PAX2: variants seen among roughly 807,000 people sequenced by gnomAD.
PAX2 encodes the protein paired box 2, also known as paired box protein Pax-2.
A neutral mutation model predicts 41.7 loss-of-function variants in PAX2; 9 were observed. The ratio of observed to expected loss-of-function variants is 0.22; its 90% CI spans 0.13 to 0.38. The LOEUF (loss-of-function observed/expected upper bound fraction) is 0.38, where lower values mean the gene tolerates loss of function less well. Among genes scored for constraint, PAX2 ranks in the 10% least tolerant of loss-of-function variants. The pLI is 1.00. For missense variants in PAX2, 418 were observed against 531.6 expected (o/e 0.79, Z 2.10); for synonymous variants, 221 against 212.7 (o/e 1.04, Z -0.34).
intron 1 of PAX2, chr10:100,749,392 C>T: frequency 1.8e-6 from 2 of 1,103,836 alleles, no homozygotes; most frequent in Non-Finnish European, 2.2e-6. Flanking sequence ...CAGGCCCTTC[C>T]TCTCCTCGCT....
intron 5 of PAX2, among the ~76,000 whole-genome samples, chr10:100,790,663 G>A (rs1360944493): frequency 1.3e-5 from 2 of 152,206 alleles, no homozygotes; most frequent in Non-Finnish European, 2.9e-5. Context: ...CTGGAAAAAG[G>A]GTTTGGAGAG....
chr10:100,787,140 C>A, intron 5 of PAX2: 1 of 428,648 alleles, frequency 2.3e-6, no homozygotes, highest in South Asian at 1.9e-5. Flanking sequence ...CTCAGGCTTC[C>A]ACTGGGAGAC....
rs36041109 is a variant in PAX2 at position 100,783,659 on chromosome 10, C to CTTT, written c.616+2311_616+2313dup. On this transcript the variant is annotated intron_variant, in intron 5 of 9. Transcript: ENST00000355243. The stretch of plus-strand genomic sequence containing the variant: ...GTCTAGACCATAGAAGGAGTTTGGG[C>CTTT]TTTTTTTTTTTTTTTTTTTCTGAAA... Among the ~76,000 whole-genome samples, 442 of 118,432 alleles carry CTTT rather than the reference C, an allele frequency of 3.7e-3. 10 individuals carry two copies. The highest frequency in any genetic ancestry group is 0.013 in the African/African-American group (403 of 30,872). 77.7% of individuals were successfully genotyped at this position (118,432 alleles called of 152,430 possible).
At chr10:100,799,718 A>G (rs1847472971) in intron 5 of PAX2, among the ~76,000 whole-genome samples, 1 of 151,998 alleles carries the variant, frequency 6.6e-6, no homozygotes, top group Admixed American at 6.6e-5. Flanking sequence ...TGAAAGCCCT[A>G]ATATCATTAC....
intron 3 of PAX2, among the ~76,000 whole-genome samples, chr10:100,770,624 C>A (rs1044633232): frequency 1.3e-5 from 2 of 152,272 alleles, no homozygotes; most frequent in Non-Finnish European, 2.9e-5. Flanking sequence ...CTGGCCTGGG[C>A]TCTCAGGGGC....
intron 6 of PAX2, among the ~76,000 whole-genome samples, chr10:100,806,990 C>T (rs1241225291): frequency 1.3e-5 from 2 of 152,004 alleles, no homozygotes; most frequent in South Asian, 4.1e-4. Context: ...TGTCCCTTGC[C>T]CACACCCCCT....
intron 7 of PAX2, among the ~76,000 whole-genome samples, chr10:100,820,392 C>T (rs1174395347): frequency 6.6e-6 from 1 of 152,184 alleles, no homozygotes; most frequent in East Asian, 1.9e-4. Flanking sequence ...AGGAAGTTAC[C>T]TCATCATCTG....
chr10:100,814,172 C>T (rs1848104004), intron 7 of PAX2, among the ~76,000 whole-genome samples: 1 of 151,848 alleles, frequency 6.6e-6, no homozygotes, highest in African/African-American at 2.4e-5. Flanking sequence ...CATGGTGAAA[C>T]CCCGTCTCCA....
chr10:100,785,519 C>T (rs1846811593), intron 5 of PAX2, among the ~76,000 whole-genome samples: 1 of 152,214 alleles, frequency 6.6e-6, no homozygotes, highest in African/African-American at 2.4e-5. Flanking sequence ...GGTTGCATGG[C>T]TGCAGATGGC....
intron 3 of PAX2, among the ~76,000 whole-genome samples, chr10:100,768,981 A>C (rs1379145796): frequency 6.6e-6 from 1 of 152,238 alleles, no homozygotes; most frequent in East Asian, 1.9e-4. Context: ...GAAATAAACG[A>C]TAGTTATTGC....
chr10:100,782,497 G>C (rs1399254082), intron 5 of PAX2, among the ~76,000 whole-genome samples: 1 of 152,244 alleles, frequency 6.6e-6, no homozygotes, highest in Non-Finnish European at 1.5e-5. Context: ...GAGCTTGCCT[G>C]GGCCCACAGT....
chr10:100,801,721 G>A (rs1020780357), intron 5 of PAX2, among the ~76,000 whole-genome samples: 2 of 152,252 alleles, frequency 1.3e-5, no homozygotes, highest in Admixed American at 6.5e-5. Flanking sequence ...GGCAAAGAAC[G>A]AGGGATGCCG....
chr10:100,746,355 C>A (rs1845173775), intron 1 of PAX2, 52 bp downstream of exon 1: 4 of 1,257,412 alleles, frequency 3.2e-6, no homozygotes, highest in Non-Finnish European at 4.7e-6. Flanking sequence ...CCGTCCCAAC[C>A]CTGTCCAGTC....
intron 3 of PAX2, among the ~76,000 whole-genome samples, chr10:100,777,557 G>C (rs1846442489): frequency 6.6e-6 from 1 of 151,990 alleles, no homozygotes; most frequent in Non-Finnish European, 1.5e-5. Context: ...ACCATGCCTG[G>C]CTAATTTTTG....
intron 4 of PAX2, 76 bp from the exon 5 acceptor site, chr10:100,781,170 A>C (rs1846606305): frequency 6.8e-7 from 1 of 1,478,594 alleles, no homozygotes; most frequent in Admixed American, 1.7e-5. Context: ...TCTGCCCCCC[A>C]GCCTTGGGGC....
chr10:100,739,947 A>G (rs1044198014), intron 1 of PAX2, among the ~76,000 whole-genome samples: 1 of 152,162 alleles, frequency 6.6e-6, no homozygotes, highest in African/African-American at 2.4e-5. Flanking sequence ...CGCACAAACC[A>G]GCCTCTTCAG....
intron 1 of PAX2, chr10:100,747,574 T>C (rs1463293093): frequency 1.0e-6 from 1 of 979,814 alleles, no homozygotes; most frequent in African/African-American, 1.7e-5. Context: ...ACAAGGAAAC[T>C]TTAGACCCGG....
At chr10:100,776,644 G>A (rs1018986580) in intron 3 of PAX2, among the ~76,000 whole-genome samples, 3 of 152,160 alleles carry the variant, frequency 2.0e-5, no homozygotes, top group African/African-American at 7.2e-5. Context: ...GCCTGCTGAT[G>A]CAGGGGCATT....
At chr10:100,769,103 C>T (rs1000968236) in intron 3 of PAX2, among the ~76,000 whole-genome samples, 4 of 152,328 alleles carry the variant, frequency 2.6e-5, no homozygotes, top group Admixed American at 6.5e-5. Context: ...CGCATAAGTT[C>T]TAGAGTGAGA....
Sources: allele counts gnomAD v4.1 joint callset (sites outside exome capture counted in the v4.1 genomes callset), GRCh38; gene constraint gnomAD v4.1.1; transcripts MANE v1.5; gene names NCBI Gene and HGNC (gene_info 2026-07-23, HGNC 2026-07-21).